Variants in PARP8 observed in about 807,000 individuals in gnomAD.
The protein encoded by PARP8 is protein mono-ADP-ribosyltransferase PARP8.
Under a neutral mutation model 124.1 loss-of-function variants are expected in PARP8, and 51 were observed. The ratio of observed to expected loss-of-function variants is 0.41; its 90% CI spans 0.33 to 0.52. The LOEUF is 0.52. Among genes scored for constraint, PARP8 ranks in the 20% least tolerant of loss-of-function variants. The pLI, the probability that PARP8 is intolerant of heterozygous loss-of-function variation, is 0.21. For synonymous variants in PARP8, 391 were observed against 361.5 expected (o/e 1.08, Z -0.93); for missense variants, 860 against 1,018.9 (o/e 0.84, Z 2.12).
intron 2 of PARP8, among the ~76,000 whole-genome samples, chr5:50,707,607 A>G (rs935498958): frequency 2.2e-5 from 3 of 138,964 alleles, no homozygotes; most frequent in African/African-American, 8.1e-5. Context: ...AGATAGAGAG[A>G]TAGAGATAGA....
At chr5:50,814,203 C>A (rs1274218128) in intron 14 of PARP8, among the ~76,000 whole-genome samples, 5 of 152,064 alleles carry the variant, frequency 3.3e-5, no homozygotes, top group Non-Finnish European at 7.4e-5. Context: ...TCATACCATG[C>A]TCTAAGCCCC....
At chr5:50,708,333 C>G (rs1211034090) in intron 2 of PARP8, among the ~76,000 whole-genome samples, 1 of 151,950 alleles carries the variant, frequency 6.6e-6, no homozygotes. Context: ...TTTCTGGATG[C>G]CATATTCTTC....
chr5:50,757,077 T>C (rs1157703050), intron 3 of PARP8: 1 of 438,250 alleles, frequency 2.3e-6, no homozygotes. Context: ...AACCATCCAT[T>C]GATGAACACT....
intron 7 of PARP8, among the ~76,000 whole-genome samples, chr5:50,769,523 T>C (rs1022122539): frequency 5.3e-5 from 8 of 152,052 alleles, no homozygotes; most frequent in Non-Finnish European, 1.2e-4. Flanking sequence ...AATATGGTTA[T>C]AATGTTTATT....
intron 2 of PARP8, among the ~76,000 whole-genome samples, chr5:50,673,378 A>G (rs996294377): frequency 6.6e-6 from 1 of 151,956 alleles, no homozygotes; most frequent in Non-Finnish European, 1.5e-5. Flanking sequence ...TAAAATTTAA[A>G]CTCCATTTTC....
chr5:50,838,344 C>G (rs1424999312), intron 25 of PARP8, among the ~76,000 whole-genome samples: 2 of 152,012 alleles, frequency 1.3e-5, no homozygotes, highest in Admixed American at 1.3e-4. Context: ...ATATTATTCT[C>G]TCCCCTAGAA....
chr5:50,667,605 A>G (rs1356033300), intron 1 of PARP8: 1 of 699,200 alleles, frequency 1.4e-6, no homozygotes, highest in South Asian at 1.5e-5. Flanking sequence ...TGCGCTTGTA[A>G]GCTGCGCCCG....
At chr5:50,760,760 A>G (rs756172099) in intron 5 of PARP8, among the ~76,000 whole-genome samples, 1 of 152,118 alleles carries the variant, frequency 6.6e-6, no homozygotes, top group South Asian at 2.1e-4. Context: ...CTGAGGTTGT[A>G]CATAGTCTTA....
At chr5:50,678,470 C>G (rs113166709) in intron 2 of PARP8, among the ~76,000 whole-genome samples, 1 of 152,132 alleles carries the variant, frequency 6.6e-6, no homozygotes, top group African/African-American at 2.4e-5. Flanking sequence ...CTATGTCTCT[C>G]TTCATACTGT....
At chr5:50,782,572 A>C (rs1247985134) in intron 9 of PARP8, among the ~76,000 whole-genome samples, 10 of 152,220 alleles carry the variant, frequency 6.6e-5, no homozygotes, top group Non-Finnish European at 1.5e-5. Flanking sequence ...CAAATAAAAA[A>C]GAAAATATTT....
chr5:50,711,096 C>G (rs1291328536), intron 2 of PARP8, among the ~76,000 whole-genome samples: 2 of 152,138 alleles, frequency 1.3e-5, no homozygotes, highest in Admixed American at 6.6e-5. Context: ...AAAATAGCAT[C>G]TTGATTCCTC....
intron 1 of PARP8, chr5:50,667,550 T>C (rs548895881): frequency 3.1e-4 from 216 of 697,008 alleles, no homozygotes; most frequent in Non-Finnish European, 4.9e-4. Flanking sequence ...GTTTGCGCAA[T>C]GGGCTGAGCG....
intron 2 of PARP8, among the ~76,000 whole-genome samples, chr5:50,695,593 C>T (rs577660643): frequency 6.6e-6 from 1 of 152,210 alleles, no homozygotes; most frequent in Admixed American, 6.5e-5. Context: ...TAAATATGGT[C>T]ATTTATATCC....
intron 7 of PARP8, among the ~76,000 whole-genome samples, chr5:50,772,046 T>C (rs1761679826): frequency 6.6e-6 from 1 of 152,214 alleles, no homozygotes; most frequent in African/African-American, 2.4e-5. Context: ...ATCTACTCTG[T>C]ACTACAATGA....
chr5:50,822,140 T>C (rs1336366583), intron 16 of PARP8, among the ~76,000 whole-genome samples, 195 bp from the exon 17 acceptor site: 1 of 152,198 alleles, frequency 6.6e-6, no homozygotes, highest in South Asian at 2.1e-4. Context: ...TTTTCTTTGT[T>C]TCTTTTCTCT....
intron 2 of PARP8, among the ~76,000 whole-genome samples, chr5:50,675,466 G>T (rs535142692): frequency 1.3e-5 from 2 of 152,162 alleles, no homozygotes; most frequent in East Asian, 3.9e-4. Flanking sequence ...CACCACGGCC[G>T]GCTAATTTTT....
intron 2 of PARP8, among the ~76,000 whole-genome samples, chr5:50,698,438 T>C (rs1397786924): frequency 6.6e-6 from 1 of 152,206 alleles, no homozygotes; most frequent in Non-Finnish European, 1.5e-5. Flanking sequence ...CCCAGCAGGT[T>C]CTTCATATCC....
At chr5:50,733,451 A>G (rs1554051392) in intron 2 of PARP8, among the ~76,000 whole-genome samples, 1 of 152,170 alleles carries the variant, frequency 6.6e-6, no homozygotes, top group Non-Finnish European at 1.5e-5. Flanking sequence ...AATCTTTTTC[A>G]CATTTTAGAA....
intron 7 of PARP8, among the ~76,000 whole-genome samples, chr5:50,766,356 TTA>T (rs1300470820): frequency 6.6e-6 from 1 of 152,202 alleles, no homozygotes; most frequent in Non-Finnish European, 1.5e-5. Context: ...AAAACGCATT[TTA>T]TGTTTTTCAT....
Sources: gnomAD v4.1 joint callset for allele counts (sites outside exome capture counted in the v4.1 genomes callset) on GRCh38, gnomAD v4.1.1 for gene constraint, MANE v1.5 for transcripts, NCBI Gene and HGNC (gene_info 2026-07-23, HGNC 2026-07-21) for gene names.